Variants in UBR4 observed in about 807,000 individuals in gnomAD.
UBR4 encodes the protein E3 ubiquitin-protein ligase UBR4.
A neutral mutation model predicts 575.6 loss-of-function variants in UBR4; 124 were observed. The ratio of observed to expected loss-of-function variants is 0.22; its 90% CI spans 0.19 to 0.25. The LOEUF (loss-of-function observed/expected upper bound fraction) is 0.25. Ranked by LOEUF, UBR4 falls within the 10% of genes least tolerant of loss-of-function variation. The probability of loss-of-function intolerance (pLI) is 1.00; values close to 1 mark genes in which losing one functional copy is unlikely to be tolerated. For missense variants in UBR4, 4,818 were observed against 6,478.8 expected (o/e 0.74, Z 8.80); for synonymous variants, 2,455 against 2,473.7 (o/e 0.99, Z 0.22).
intron 44 of UBR4, 31 bp downstream of exon 44, chr1:19,154,887 C>T (rs754715413): frequency 1.1e-5 from 18 of 1,612,800 alleles, no homozygotes; most frequent in African/African-American, 6.7e-5. Flanking sequence ...GTGGACATTG[C>T]GGAAGTTGAA....
At chr1:19,122,179 C>A (rs1469611171) in intron 66 of UBR4, among the ~76,000 whole-genome samples, 167 bp from the exon 67 acceptor site, 4 of 152,160 alleles carry the variant, frequency 2.6e-5, no homozygotes. Context: ...GGGACCATGA[C>A]CCACACACTG....
At chr1:19,078,150 G>C in intron 103 of UBR4, 84 bp from the exon 104 acceptor site, 1 of 1,414,098 alleles carries the variant, frequency 7.1e-7, no homozygotes, top group East Asian at 2.4e-5. Flanking sequence ...GGGAGCAAGG[G>C]AAGAGTCACA....
At chr1:19,122,092 A>G in intron 66 of UBR4, 80 bp from the exon 67 acceptor site, 2 of 1,441,648 alleles carry the variant, frequency 1.4e-6, no homozygotes, top group Non-Finnish European at 9.7e-7. Context: ...GCCTGGAGCC[A>G]TCTCCCTGAC....
intron 22 of UBR4, 120 bp downstream of exon 22, chr1:19,174,192 CTCAAGTA>C: frequency 8.1e-7 from 1 of 1,238,376 alleles, no homozygotes; most frequent in Non-Finnish European, 1.1e-6. Context: ...CCTAGAAATA[CTCAAGTA>C]TCAGTCAGTT....
intron 43 of UBR4, 63 bp downstream of exon 43, chr1:19,155,378 G>T (rs1204130119): frequency 1.4e-6 from 2 of 1,465,090 alleles, no homozygotes; most frequent in African/African-American, 2.8e-5. Context: ...AAAGAAAAAA[G>T]AATAGAGGAG....
chr1:19,130,554 G>C (rs960542982), intron 60 of UBR4, among the ~76,000 whole-genome samples: 1 of 152,138 alleles, frequency 6.6e-6, no homozygotes, highest in Non-Finnish European at 1.5e-5. Context: ...GGGGTCTTAC[G>C]TGAATTATAA....
chr1:19,150,517 A>C, intron 49 of UBR4, 60 bp downstream of exon 49: 1 of 1,558,294 alleles, frequency 6.4e-7, no homozygotes, highest in Non-Finnish European at 8.8e-7. Flanking sequence ...AAGACACAGG[A>C]AGGTTCTGCA....
intron 33 of UBR4, 31 bp from the exon 34 acceptor site, chr1:19,163,858 G>A (rs776437065): frequency 1.4e-5 from 22 of 1,611,996 alleles, no homozygotes; most frequent in South Asian, 2.2e-5. Context: ...AGGGGAAAGA[G>A]GAGACACAAA....
intron 8 of UBR4, among the ~76,000 whole-genome samples, chr1:19,195,293 T>C (rs2092386419): frequency 6.7e-6 from 1 of 148,884 alleles, no homozygotes; most frequent in South Asian, 2.1e-4. Flanking sequence ...ATAATAATAG[T>C]AAAATCTAAT....
At position 19,105,169 on chromosome 1, in the gene UBR4, A is replaced by G. The variant is rs2149162530; in HGVS notation, c.12524T>C (p.Ile4175Thr). The G allele has an allele frequency of 6.2e-7, 1 of 1,613,560 alleles. No homozygotes were observed. Among genetic ancestry groups the G allele is most frequent in the Non-Finnish European group, 8.5e-7 (1 of 1,179,800 alleles). Residue 4175 changes from isoleucine (I) to threonine (T), a missense_variant, in exon 85 of 106, where the codon ATA becomes ACA. Physicochemically the swap from Ile to Thr is moderately conservative, Grantham distance 89. Coordinates refer to ENST00000375254, the MANE Select transcript of UBR4 (RefSeq NM_020765.3). ...LLTSYLDELS[I>T]AGECAAEYLA... Reference sequence around the variant, plus strand: ...GTACTCAGCTGCACACTCCCCAGCTATGCTCAGCTCATCCAGGTAACTGCC... The same window carrying G: ...GTACTCAGCTGCACACTCCCCAGCTGTGCTCAGCTCATCCAGGTAACTGCC...
chr1:19,093,194 G>T lies in UBR4; in HGVS notation c.14111+119C>A. The T allele has an allele frequency of 7.6e-7, 1 of 1,307,954 alleles. No homozygotes were observed. Among genetic ancestry groups the T allele is most frequent in the Non-Finnish European group, 1.1e-6 (1 of 941,858 alleles). 81.0% of individuals were successfully genotyped at this position (1,307,954 alleles called of 1,614,324 possible). On this transcript the variant is annotated intron_variant, in intron 96 of 105. Transcript: ENST00000375254. This position sits in a 1 kb window ranked among gnomAD's most constrained non-coding sequence, Gnocchi z 4.8. Reference sequence around the variant, plus strand: ...ACCCACATAGTTTCCAGAAGCGGTTGGGAGGCCCCAAGGAGGGCAAGGGGC... The same window carrying T: ...ACCCACATAGTTTCCAGAAGCGGTTTGGAGGCCCCAAGGAGGGCAAGGGGC...
chr1:19,164,945 T>C lies in UBR4; in HGVS notation c.4365A>G (p.Gln1455=). The C allele has an allele frequency of 6.2e-7, 1 of 1,613,954 alleles. No homozygotes were observed. Residue 1455 remains glutamine, a synonymous_variant, in exon 32 of 106, where the codon CAA becomes CAG. Coordinates refer to ENST00000375254, the MANE Select transcript of UBR4 (RefSeq NM_020765.3). ...SLLHLCGSLA[Q]LACVEPVRLQ... is the part of the protein sequence containing the mutation. ...GGCGCACAGGTTCCACACAGGCCAG[T>C]TGTGCCAGGGAGCCACAGAGATGCA...
At chr1:19,181,197 C>T (rs1173865877) in intron 17 of UBR4, among the ~76,000 whole-genome samples, 2 of 151,776 alleles carry the variant, frequency 1.3e-5, no homozygotes, top group African/African-American at 2.4e-5. Context: ...GGCGACATAG[C>T]GAGACCCCAT....
chr1:19,110,236 A>G lies in UBR4; in HGVS notation c.11978-13T>C, dbSNP rs367883219. 14 of 1,614,124 alleles carry G rather than the reference A, an allele frequency of 8.7e-6. No individual in the cohort carries two copies. Among genetic ancestry groups the G allele is most frequent in the Non-Finnish European group, 1.0e-5 (12 of 1,180,048 alleles). Reference sequence around the variant, plus strand: ...AAAAGGCTGAGAGCTAGGGATGGTCAGGAAAGGCAGAGTCACAATCAGGAA... The same window carrying G: ...AAAAGGCTGAGAGCTAGGGATGGTCGGGAAAGGCAGAGTCACAATCAGGAA... On this transcript the variant is annotated splice_polypyrimidine_tract_variant and intron_variant, in intron 80 of 105. Transcript: ENST00000375254. The surrounding 1 kb of genome is among the most constrained non-coding windows in gnomAD (Gnocchi z 4.5).
intron 29 of UBR4, 122 bp downstream of exon 29, chr1:19,166,900 T>TTA: frequency 6.0e-6 from 6 of 993,484 alleles, no homozygotes; most frequent in Non-Finnish European, 8.7e-6. Flanking sequence ...TGTCTCAGAA[T>TTA]AAAAAAAAAA....
rs79747506 is a variant in UBR4 at position 19,138,949 on chromosome 1, A to G, written c.8731+134T>C. ...GCCAAATGAATTCCACAAGACTTTC[A>G]GAGAGTCCACAAGACTTTCAATGAG... On this transcript the variant is annotated intron_variant, in intron 59 of 105. Transcript: ENST00000375254. 5.9e-4 allele frequency: 679 copies of G among 1,146,582 alleles called. 3 individuals carry two copies. In the African/African-American group the frequency reaches 9.8e-3, roughly 17 times the overall value. 71.0% of individuals were successfully genotyped at this position (1,146,582 alleles called of 1,614,324 possible).
Position 19,180,656 on chromosome 1 carries a change from GC to G in UBR4, c.2185-1437del, listed in dbSNP as rs944758762. On this transcript the variant is annotated intron_variant, in intron 17 of 105. Coordinates refer to ENST00000375254, the MANE Select transcript of UBR4 (RefSeq NM_020765.3). ...ATGTTCAAATCAAGGGGCGTACCTA[GC>G]CATATATATGGATAAGTAACATATA... is the stretch of plus-strand genomic sequence containing the variant. 7.7e-4 allele frequency among the ~76,000 whole-genome samples: 117 copies of G among 151,902 alleles called. 1 individual carries two copies. The highest frequency in any genetic ancestry group is 2.7e-3 in the African/African-American group (111 of 41,400).
rs1207647633 is a variant in UBR4 at position 19,074,731 on chromosome 1, A to C, written c.*101T>G. On this transcript the variant is annotated 3_prime_UTR_variant, in exon 106 of 106. Coordinates refer to ENST00000375254, the MANE Select transcript of UBR4 (RefSeq NM_020765.3). ...ATGAGAGAGGGGAGGGCGGGGTAAC[A>C]ATGCAGCATCCCGCGGAGGGAACTT... 1 of 1,352,248 alleles carries C rather than the reference A, an allele frequency of 7.4e-7. No individual in the cohort carries two copies. Among genetic ancestry groups the C allele is most frequent in the Non-Finnish European group, 1.0e-6 (1 of 961,772 alleles). The allele number at this position is 1,352,248 out of a possible 1,614,324, so 83.8% of individuals were successfully genotyped here.
At chr1:19,081,599 TA>T (rs781337786) in intron 102 of UBR4, 26 bp from the exon 103 acceptor site, 3 of 1,613,340 alleles carry the variant, frequency 1.9e-6, no homozygotes, top group East Asian at 4.5e-5. Flanking sequence ...CATGATAAAA[TA>T]AAAGCAGGGT....
Sources: gnomAD v4.1 joint callset for allele counts (sites outside exome capture counted in the v4.1 genomes callset) on GRCh38, gnomAD v4.1.1 for gene constraint, Gnocchi (gnomAD v3.1) non-coding constraint, MANE v1.5 for transcripts, NCBI Gene and HGNC (gene_info 2026-07-23, HGNC 2026-07-21) for gene names.